ROR1: variants seen among roughly 807,000 people sequenced by gnomAD.
The protein encoded by ROR1 is inactive tyrosine-protein kinase transmembrane receptor ROR1.
Under a neutral mutation model 78.8 loss-of-function variants are expected in ROR1, and 19 were observed. The ratio of observed to expected loss-of-function variants is 0.24; its 90% confidence interval spans 0.17 to 0.35. ROR1 has a LOEUF of 0.35. ROR1 is among the 10% of genes least tolerant of loss of function. The pLI is 1.00. For synonymous variants in ROR1, 386 were observed against 433.6 expected, an observed-to-expected ratio of 0.89 and a Z score of 1.36; for missense variants, 917 against 1,177.8, an observed-to-expected ratio of 0.78 and a Z score of 3.24.
intron 4 of ROR1, among the ~76,000 whole-genome samples, chr1:64,051,477 T>G (rs865954177): frequency 7.1e-6 from 1 of 141,124 alleles, no homozygotes; most frequent in Admixed American, 6.8e-5. Context: ...TAAAATAAAA[T>G]AAAATAAAAT....
intron 2 of ROR1, among the ~76,000 whole-genome samples, chr1:64,011,611 A>G (rs1172606729): frequency 6.6e-6 from 1 of 152,170 alleles, no homozygotes; most frequent in Non-Finnish European, 1.5e-5. Flanking sequence ...TAGTGGTGTC[A>G]ATAGTATGAA....
chr1:63,865,458 G>C (rs1306715115), intron 1 of ROR1, among the ~76,000 whole-genome samples: 46 of 152,098 alleles, frequency 3.0e-4, no homozygotes. Flanking sequence ...TGCAGTTCAG[G>C]CATTGCCCTC....
At chr1:63,963,502 G>A (rs1646049245) in intron 1 of ROR1, among the ~76,000 whole-genome samples, 1 of 151,234 alleles carries the variant, frequency 6.6e-6, no homozygotes, top group Non-Finnish European at 1.5e-5. Context: ...CTGGGAGGTG[G>A]AAGTTGCAGT....
chr1:63,924,372 T>C (rs1007117251), intron 1 of ROR1, among the ~76,000 whole-genome samples: 3 of 152,180 alleles, frequency 2.0e-5, no homozygotes, highest in Non-Finnish European at 1.5e-5. Context: ...ATACATTTTT[T>C]ATTATATATT....
intron 1 of ROR1, among the ~76,000 whole-genome samples, chr1:63,844,726 A>G (rs675706): frequency 0.45 from 68,364 of 151,494 alleles, 19,173 homozygotes; most frequent in African/African-American, 0.81. Context: ...TGGTGCATGT[A>G]GTGAGGAAGC....
intron 8 of ROR1, among the ~76,000 whole-genome samples, chr1:64,165,132 G>A (rs561300209): frequency 2.2e-4 from 33 of 152,228 alleles, no homozygotes; most frequent in African/African-American, 7.7e-4. Flanking sequence ...GATTTAAATT[G>A]CTAGGTCAAA....
intron 4 of ROR1, among the ~76,000 whole-genome samples, chr1:64,136,911 C>A (rs1454292379): frequency 1.3e-5 from 2 of 152,114 alleles, no homozygotes; most frequent in African/African-American, 4.8e-5. Flanking sequence ...TTTCCAGCTG[C>A]ACCCAGCTTC....
At chr1:64,007,408 G>A (rs1371923267) in intron 1 of ROR1, among the ~76,000 whole-genome samples, 1 of 151,192 alleles carries the variant, frequency 6.6e-6, no homozygotes, top group Admixed American at 6.6e-5. Context: ...GTGTGTGTGT[G>A]TAGACATAGC....
chr1:63,944,060 T>C (rs1645863255), intron 1 of ROR1, among the ~76,000 whole-genome samples: 1 of 152,190 alleles, frequency 6.6e-6, no homozygotes, highest in Non-Finnish European at 1.5e-5. Context: ...GATCTAGGAA[T>C]ATAAAGTATT....
At chr1:63,820,138 T>C (rs1644915265) in intron 1 of ROR1, among the ~76,000 whole-genome samples, 1 of 152,188 alleles carries the variant, frequency 6.6e-6, no homozygotes, top group Admixed American at 6.5e-5. Flanking sequence ...ATATCAGATA[T>C]CATTTTGGTT....
chr1:63,804,446 T>C (rs2100259751), intron 1 of ROR1, among the ~76,000 whole-genome samples: 1 of 152,304 alleles, frequency 6.6e-6, no homozygotes, highest in East Asian at 1.9e-4. Context: ...TAACTTCCTC[T>C]CAATCTATAC....
chr1:63,834,316 A>G (rs1021929135), intron 1 of ROR1, among the ~76,000 whole-genome samples: 1 of 151,924 alleles, frequency 6.6e-6, no homozygotes, highest in Non-Finnish European at 1.5e-5. Flanking sequence ...GTACCCTTAG[A>G]TGAATTAAAA....
intron 1 of ROR1, among the ~76,000 whole-genome samples, chr1:63,930,886 G>A (rs779486830): frequency 6.6e-6 from 1 of 152,132 alleles, no homozygotes; most frequent in African/African-American, 2.4e-5. Context: ...CCCTATTTAG[G>A]CTACACAAAT....
At chr1:64,156,504 C>T (rs922929915) in intron 7 of ROR1, among the ~76,000 whole-genome samples, 16 of 152,100 alleles carry the variant, frequency 1.1e-4, no homozygotes, top group Middle Eastern at 6.8e-3. Flanking sequence ...GTCAAGAGAT[C>T]GAGACCATCC....
intron 1 of ROR1, among the ~76,000 whole-genome samples, chr1:63,992,927 AG>A (rs1366706912): frequency 6.6e-6 from 1 of 152,138 alleles, no homozygotes; most frequent in African/African-American, 2.4e-5. Context: ...GTGAGCCATT[AG>A]GGTAGATTCT....
intron 4 of ROR1, among the ~76,000 whole-genome samples, chr1:64,132,526 A>T (rs1421804184): frequency 6.6e-6 from 1 of 152,000 alleles, no homozygotes; most frequent in Non-Finnish European, 1.5e-5. Flanking sequence ...TTGGGAAGCC[A>T]AGGCAGGTGG....
intron 1 of ROR1, among the ~76,000 whole-genome samples, chr1:63,950,350 A>C (rs1347883342): frequency 6.6e-6 from 1 of 152,192 alleles, no homozygotes; most frequent in Non-Finnish European, 1.5e-5. Context: ...TTTTCTGGGA[A>C]TTCTTCCTTT....
intron 1 of ROR1, among the ~76,000 whole-genome samples, chr1:63,803,658 A>T (rs1004089574): frequency 4.6e-5 from 7 of 152,230 alleles, no homozygotes; most frequent in Non-Finnish European, 8.8e-5. Flanking sequence ...AATATTTTTA[A>T]AAAAGGTTTG....
At chr1:64,005,003 A>G (rs183281165) in intron 1 of ROR1, among the ~76,000 whole-genome samples, 3 of 152,376 alleles carry the variant, frequency 2.0e-5, no homozygotes, top group Non-Finnish European at 2.9e-5. Context: ...ATAAAACCAT[A>G]TAAAAACACT....
Sources: allele counts gnomAD v4.1 joint callset (sites outside exome capture counted in the v4.1 genomes callset), GRCh38; gene constraint gnomAD v4.1.1; transcripts MANE v1.5; gene names NCBI Gene and HGNC (gene_info 2026-07-23, HGNC 2026-07-21).